Variants in TUSC3 observed in about 807,000 individuals in gnomAD.
TUSC3 encodes the protein dolichyl-diphosphooligosaccharide--protein glycosyltransferase subunit TUSC3.
TUSC3 carries 45 observed loss-of-function variants against 44.8 expected under a neutral mutation model. That is an observed-to-expected ratio of 1.00 (90% CI 0.79 to 1.29). TUSC3 has a LOEUF of 1.29. Among genes scored for constraint, TUSC3 ranks in the 50% most tolerant of loss-of-function variants. The pLI is 0.00. For synonymous variants in TUSC3, 212 were observed against 152.9 expected (o/e 1.39, Z -2.85); for missense variants, 519 against 437.9 (o/e 1.19, Z -1.65).
the TUSC3 span, among the ~76,000 whole-genome samples, chr8:15,847,952 T>C: frequency 6.6e-6 from 1 of 152,184 alleles, no homozygotes; most frequent in Non-Finnish European, 1.5e-5. Context: ...TCAGAAAATA[T>C]TAATTGCTGC....
the TUSC3 span, among the ~76,000 whole-genome samples, chr8:15,795,146 C>T: frequency 6.6e-6 from 1 of 152,170 alleles, no homozygotes; most frequent in Non-Finnish European, 1.5e-5. Flanking sequence ...AATCATGGCT[C>T]CTGGGATCCC....
At chr8:15,788,397 A>AT in the TUSC3 span, among the ~76,000 whole-genome samples, 3 of 151,924 alleles carry the variant, frequency 2.0e-5, no homozygotes, top group Non-Finnish European at 2.9e-5. Flanking sequence ...AAATAAACAA[A>AT]TTAGCCGGGC....
the TUSC3 span, among the ~76,000 whole-genome samples, chr8:15,773,476 A>G: frequency 1.3e-5 from 2 of 152,216 alleles, no homozygotes; most frequent in African/African-American, 4.8e-5. Flanking sequence ...AAATACATCA[A>G]GTTCATACGT....
chr8:15,452,911 T>G (rs964903211), intron 1 of TUSC3, among the ~76,000 whole-genome samples: 1 of 152,160 alleles, frequency 6.6e-6, no homozygotes, highest in Non-Finnish European at 1.5e-5. Flanking sequence ...TACATCTGCC[T>G]TTCTTTACCT....
chr8:15,712,643 C>T (rs1398932890), intron 6 of TUSC3, among the ~76,000 whole-genome samples: 1 of 151,972 alleles, frequency 6.6e-6, no homozygotes, highest in Non-Finnish European at 1.5e-5. Context: ...ATCTTCTTGC[C>T]AATCCCCAAT....
chr8:15,561,368 T>G (rs1421314712), intron 1 of TUSC3, among the ~76,000 whole-genome samples: 41 of 141,722 alleles, frequency 2.9e-4, no homozygotes, highest in Middle Eastern at 3.8e-3. Flanking sequence ...AGTTCTCAGA[T>G]CTCCAGCTGC....
At chr8:15,556,366 G>A (rs893770570) in intron 1 of TUSC3, among the ~76,000 whole-genome samples, 1 of 150,788 alleles carries the variant, frequency 6.6e-6, no homozygotes, top group African/African-American at 2.4e-5. Context: ...GTATTCCATG[G>A]TGTATATGTG....
At chr8:15,436,463 G>C (rs536308673) in intron 1 of TUSC3, among the ~76,000 whole-genome samples, 10 of 152,260 alleles carry the variant, frequency 6.6e-5, no homozygotes, top group Admixed American at 1.3e-4. Context: ...GTTTTGTTTA[G>C]ACTAACTTGA....
intron 1 of TUSC3, among the ~76,000 whole-genome samples, chr8:15,569,766 T>G (rs1802802770): frequency 6.6e-6 from 1 of 152,148 alleles, no homozygotes; most frequent in African/African-American, 2.4e-5. Flanking sequence ...TTTAGGAATC[T>G]CAGTTGAAAA....
At chr8:15,744,266 A>G (rs1413980468) in intron 8 of TUSC3, among the ~76,000 whole-genome samples, 7 of 152,300 alleles carry the variant, frequency 4.6e-5, no homozygotes, top group South Asian at 2.1e-4. Context: ...AGAAAAACAT[A>G]TATGAGGTTT....
chr8:15,429,233 TC>T (rs1234940793), intron 1 of TUSC3, among the ~76,000 whole-genome samples: 1 of 152,198 alleles, frequency 6.6e-6, no homozygotes, highest in South Asian at 2.1e-4. Context: ...GGGAATCCTT[TC>T]CCCATTTCTT....
chr8:15,841,821 G>A, the TUSC3 span, among the ~76,000 whole-genome samples: 1 of 152,164 alleles, frequency 6.6e-6, no homozygotes. Context: ...GCCTAAAAAT[G>A]TTATTTGTTT....
intron 1 of TUSC3, among the ~76,000 whole-genome samples, chr8:15,478,243 G>A (rs1245251222): frequency 6.6e-6 from 1 of 151,984 alleles, no homozygotes. Context: ...TGGGATGACA[G>A]GGGTGAGTTA....
intron 1 of TUSC3, among the ~76,000 whole-genome samples, chr8:15,568,443 C>A (rs1038768235): frequency 1.3e-5 from 2 of 152,016 alleles, no homozygotes; most frequent in Non-Finnish European, 2.9e-5. Flanking sequence ...TATCTTCATA[C>A]CTTATTACTA....
At chr8:15,434,098 C>T (rs942996549) in intron 1 of TUSC3, among the ~76,000 whole-genome samples, 2 of 152,186 alleles carry the variant, frequency 1.3e-5, no homozygotes, top group African/African-American at 4.8e-5. Context: ...ATTCCATTTG[C>T]TCCATATCTT....
chr8:15,642,571 G>A (rs568875594), intron 2 of TUSC3, among the ~76,000 whole-genome samples: 1 of 152,158 alleles, frequency 6.6e-6, no homozygotes, highest in South Asian at 2.1e-4. Flanking sequence ...GGTCTTTAAA[G>A]TCTGCGTATA....
In TUSC3 at chr8:15,521,113, G is replaced by C. The variant is rs186258384; in HGVS notation, n.189+37630G>C. Among the ~76,000 whole-genome samples, 7 of 152,262 alleles carry C rather than the reference G, an allele frequency of 4.6e-5. No homozygotes were observed. The East Asian group carries it at 1.2e-3, about 25-fold the overall frequency. On this transcript the variant is annotated intron_variant and non_coding_transcript_variant, in intron 2 of 5. Transcript: ENST00000503191. ...CATTCCTGGATGGCAGCAGGACAGT[G>C]CTAGAGATCCATGCCACCTCTCACT... is the stretch of plus-strand genomic sequence containing the variant.
rs370106767 is a variant in TUSC3, at chr8:15,433,793, T to C, written n.91+16488T>C. Among the ~76,000 whole-genome samples, 13 of 152,264 alleles carry C rather than the reference T, an allele frequency of 8.5e-5. No individual in the cohort carries two copies. The East Asian group carries it at 1.9e-3, about 23-fold the overall frequency. ...TATTTATTCCTTTTTATTGGCTGAG[T>C]AGAAATATACGTTATATGGATACAT... On this transcript the variant is annotated intron_variant and non_coding_transcript_variant, in intron 1 of 5. Coordinates refer to the TUSC3 transcript ENST00000503191.
At chr8:15,818,155 G>T in the TUSC3 span, among the ~76,000 whole-genome samples, 5 of 152,184 alleles carry the variant, frequency 3.3e-5, no homozygotes, top group African/African-American at 1.2e-4. Flanking sequence ...TTCTGTCAGG[G>T]GATGATGTCA....
Sources: allele counts gnomAD v4.1 joint callset (sites outside exome capture counted in the v4.1 genomes callset), GRCh38; gene constraint gnomAD v4.1.1; transcripts MANE v1.5; gene names NCBI Gene and HGNC (gene_info 2026-07-23, HGNC 2026-07-21).